RGS22: variants seen among roughly 807,000 people sequenced by gnomAD.
RGS22 encodes the protein regulator of G-protein signaling 22.
RGS22 carries 148 observed loss-of-function variants against 172.9 expected under a neutral mutation model. The observed-to-expected ratio is 0.86, with a 90% confidence interval of 0.75 to 0.98. The LOEUF (loss-of-function observed/expected upper bound fraction) is 0.98, where lower values mean the gene tolerates loss of function less well. RGS22 is among the 50% of genes least tolerant of loss of function. The pLI is 0.00. For synonymous variants in RGS22, 458 were observed against 480.2 expected (o/e 0.95, Z 0.60); for missense variants, 1,347 against 1,440.8 (o/e 0.93, Z 1.05).
intron 18 of RGS22, among the ~76,000 whole-genome samples, chr8:100,001,753 A>T (rs1398991222): frequency 1.3e-5 from 2 of 152,176 alleles, no homozygotes; most frequent in Admixed American, 1.3e-4. Flanking sequence ...TCAAAGATTG[A>T]TTATATTTAG....
intron 22 of RGS22, among the ~76,000 whole-genome samples, chr8:99,981,349 A>C (rs1246923892): frequency 1.3e-5 from 2 of 152,192 alleles, no homozygotes. Context: ...AGCTATGTGA[A>C]TATTCCAATC....
At chr8:100,001,237 T>TATA (rs529176374) in intron 18 of RGS22, among the ~76,000 whole-genome samples, 1 of 57,158 alleles carries the variant, frequency 1.7e-5, no homozygotes, top group East Asian at 6.4e-4. Flanking sequence ...TATATATACA[T>TATA]TTTTTTTTTT....
chr8:100,081,909 CTTTTTT>C (rs201340859), intron 3 of RGS22, among the ~76,000 whole-genome samples: 65 of 125,376 alleles, frequency 5.2e-4, no homozygotes, highest in African/African-American at 1.6e-3. Flanking sequence ...TATTGTTTTC[CTTTTTT>C]TTTTTTTTTT....
intron 9 of RGS22, among the ~76,000 whole-genome samples, chr8:100,060,999 A>G (rs1259023657): frequency 6.6e-6 from 1 of 152,176 alleles, no homozygotes; most frequent in Admixed American, 6.5e-5. Context: ...TAGAGAATGC[A>G]GAAATAAGAC....
At chr8:100,097,877 A>C (rs1473062898) in intron 2 of RGS22, among the ~76,000 whole-genome samples, 1 of 152,190 alleles carries the variant, frequency 6.6e-6, no homozygotes, top group Non-Finnish European at 1.5e-5. Context: ...ATTTAATACA[A>C]GGGATCCATT....
intron 14 of RGS22, among the ~76,000 whole-genome samples, chr8:100,025,911 A>C (rs1439251579): frequency 1.3e-5 from 2 of 152,196 alleles, no homozygotes; most frequent in Admixed American, 1.3e-4. Context: ...GGTTCTCTGG[A>C]AAAGTAGGCA....
At chr8:100,000,153 T>C (rs952929742) in intron 18 of RGS22, among the ~76,000 whole-genome samples, 2 of 152,228 alleles carry the variant, frequency 1.3e-5, no homozygotes, top group African/African-American at 4.8e-5. Flanking sequence ...TTTCCTGCCA[T>C]AACTCATTCT....
intron 14 of RGS22, among the ~76,000 whole-genome samples, chr8:100,021,840 A>C (rs574742948): frequency 1.8e-4 from 27 of 152,276 alleles, no homozygotes; most frequent in African/African-American, 6.5e-4. Context: ...GCTGTGATAC[A>C]GGATACTTTC....
chr8:100,087,980 G>A (rs1312224983), intron 3 of RGS22, among the ~76,000 whole-genome samples: 2 of 152,082 alleles, frequency 1.3e-5, no homozygotes, highest in African/African-American at 4.8e-5. Context: ...ACTGAACTAA[G>A]CAGTTTCCTA....
intron 14 of RGS22, among the ~76,000 whole-genome samples, chr8:100,010,203 T>G (rs575956846): frequency 4.6e-5 from 7 of 152,054 alleles, no homozygotes; most frequent in African/African-American, 1.7e-4. Flanking sequence ...AAAACCAACA[T>G]AAGGCCAGGC....
At chr8:100,080,579 G>C (rs1811682309) in intron 3 of RGS22, 2 of 477,084 alleles carry the variant, frequency 4.2e-6, no homozygotes, top group Non-Finnish European at 7.5e-6. Context: ...AAGTGTCAGG[G>C]TATGCTATGG....
chr8:100,074,330 A>G (rs1811189287), intron 4 of RGS22, among the ~76,000 whole-genome samples: 1 of 152,340 alleles, frequency 6.6e-6, no homozygotes, highest in Admixed American at 6.5e-5. Flanking sequence ...CAGTTCTACA[A>G]GTTTTGACAA....
chr8:100,047,487 G>A lies in RGS22; in HGVS notation c.1799C>T (p.Ser600Phe), dbSNP rs745551951. Residue 600 changes from serine (S) to phenylalanine (F), a missense_variant, in exon 11 of 28, where the codon TCT (serine) becomes TTT (phenylalanine). By Grantham distance (155) the Ser-to-Phe change is radical. Coordinates refer to ENST00000360863, the MANE Select transcript of RGS22 (RefSeq NM_015668.5). ...CCCTTTCTCAATCACATCATCCTTAGAAGAACCTGGATACAAAAGCTCCCG... is the reference window on the plus strand; with the variant it reads ...CCCTTTCTCAATCACATCATCCTTAAAAGAACCTGGATACAAAAGCTCCCG... ...WKRELLYPGS[S>F]KDDVIEKGSK... 9.5e-5 allele frequency: 152 copies of A among 1,603,804 alleles called. No individual in the cohort carries two copies. The highest frequency in any genetic ancestry group is 1.2e-4 in the Non-Finnish European group (144 of 1,175,816).
At chr8:100,062,302 T>C (rs1375621093) in intron 9 of RGS22, among the ~76,000 whole-genome samples, 1 of 149,776 alleles carries the variant, frequency 6.7e-6, no homozygotes, top group African/African-American at 2.5e-5. Context: ...GTACTTAAAA[T>C]AGAAGTTAAA....
chr8:100,086,355 T>C (rs1179926141), intron 3 of RGS22, among the ~76,000 whole-genome samples: 1 of 152,156 alleles, frequency 6.6e-6, no homozygotes, highest in Non-Finnish European at 1.5e-5. Flanking sequence ...ACTTACACTG[T>C]TGAACCAATG....
At chr8:100,050,394 T>G (rs1243733393) in intron 10 of RGS22, among the ~76,000 whole-genome samples, 4 of 152,228 alleles carry the variant, frequency 2.6e-5, no homozygotes, top group Non-Finnish European at 5.9e-5. Flanking sequence ...CCCCTGTATG[T>G]CTGAACAGTT....
chr8:100,031,413 G>A (rs1818788047), intron 14 of RGS22, among the ~76,000 whole-genome samples: 3 of 152,046 alleles, frequency 2.0e-5, no homozygotes, highest in African/African-American at 7.2e-5. Context: ...ATAGCACTTT[G>A]TGGTAAAAGT....
chr8:99,968,482 T>C (rs536991436), intron 23 of RGS22, among the ~76,000 whole-genome samples: 5 of 152,072 alleles, frequency 3.3e-5, no homozygotes, highest in East Asian at 3.9e-4. Flanking sequence ...GCTAAGAACA[T>C]TGACAAAAGG....
At chr8:100,026,391 C>G (rs976537691) in intron 14 of RGS22, among the ~76,000 whole-genome samples, 1 of 152,062 alleles carries the variant, frequency 6.6e-6, no homozygotes, top group African/African-American at 2.4e-5. Context: ...AACACCAGTG[C>G]ACAACATGGA....
Sources: allele counts gnomAD v4.1 joint callset (sites outside exome capture counted in the v4.1 genomes callset), GRCh38; gene constraint gnomAD v4.1.1; transcripts MANE v1.5; gene names NCBI Gene and HGNC (gene_info 2026-07-23, HGNC 2026-07-21).